The following IQSEC1 variants were observed in gnomAD, a reference collection of about 807,000 sequenced individuals.
The protein encoded by IQSEC1 is IQ motif and Sec7 domain ArfGEF 1.
A neutral mutation model predicts 91.0 loss-of-function variants in IQSEC1; 31 were observed. That is an observed-to-expected ratio of 0.34 (90% confidence interval 0.26 to 0.46). The LOEUF is 0.46. Among genes scored for constraint, IQSEC1 ranks in the 20% least tolerant of loss-of-function variants. The pLI is 1.00. For missense variants in IQSEC1, 1,388 were observed against 1,575.6 expected (o/e 0.88, Z 2.02); for synonymous variants, 699 against 662.6 (o/e 1.05, Z -0.84).
chr3:13,168,420 C>A (rs550011159), intron 1 of IQSEC1, among the ~76,000 whole-genome samples: 3 of 152,132 alleles, frequency 2.0e-5, no homozygotes, highest in Admixed American at 6.5e-5. Flanking sequence ...AGTCTATGCC[C>A]GTCTTCCTCA....
Position 13,073,389 on chromosome 3 carries a change from G to A in IQSEC1, c.-375C>T, listed in dbSNP as rs549628158. 1.3e-4 allele frequency among the ~76,000 whole-genome samples: 20 copies of A among 152,182 alleles called. No individual in the cohort carries two copies. The South Asian group carries it at 4.1e-3, about 32-fold the overall frequency. ...CGGGGCGCGGGGATGAGGAGGGGAG[G>A]GTCGAGAGAAGGCTGCCCCGGGTTT... is the stretch of plus-strand genomic sequence containing the variant. On this transcript the variant is annotated 5_prime_UTR_variant, in exon 1 of 14. Transcript: ENST00000613206.
At chr3:13,112,628 A>G (rs1706267318) in intron 2 of IQSEC1, among the ~76,000 whole-genome samples, 1 of 152,268 alleles carries the variant, frequency 6.6e-6, no homozygotes, top group African/African-American at 2.4e-5. Context: ...TGGATGCGGC[A>G]GGAGCCTCGC....
chr3:13,216,481 AGAGCGAC>A, intron 1 of IQSEC1, among the ~76,000 whole-genome samples: 1 of 152,212 alleles, frequency 6.6e-6, no homozygotes, highest in Admixed American at 6.5e-5. Context: ...CAGGGCTAGC[AGAGCGAC>A]GAGCTGTCCA....
Position 12,936,221 on chromosome 3 carries a change from G to C in IQSEC1, c.795C>G (p.Thr265=). 1 of 1,613,072 alleles carries C rather than the reference G, an allele frequency of 6.2e-7. No individual in the cohort carries two copies. Residue 265 remains threonine, a synonymous_variant, in exon 3 of 14, where the codon ACC becomes ACG. Coordinates refer to ENST00000613206, the MANE Select transcript of IQSEC1 (RefSeq NM_001134382.3). ...PALDAARARD[T]EPQTALHGMD... ...TGCCGTGCAGGGCTGTCTGGGGTTC[G>C]GTGTCCCGGGCCCGCGCCGCATCCA...
chr3:13,097,901 G>A (rs1442751134), intron 2 of IQSEC1, among the ~76,000 whole-genome samples: 1 of 152,260 alleles, frequency 6.6e-6, no homozygotes, highest in Non-Finnish European at 1.5e-5. Flanking sequence ...CAGTGGTATA[G>A]GAGGTGCCCA....
At chr3:12,902,917 C>G in intron 12 of IQSEC1, 95 bp from the exon 13 acceptor site, 1 of 949,636 alleles carries the variant, frequency 1.1e-6, no homozygotes, top group Non-Finnish European at 1.7e-6. Context: ...AGCCTGCACC[C>G]CTGCTGGGAG....
intron 1 of IQSEC1, among the ~76,000 whole-genome samples, chr3:13,186,884 T>G (rs1476912815): frequency 6.6e-6 from 1 of 151,774 alleles, no homozygotes; most frequent in African/African-American, 2.4e-5. Flanking sequence ...AGCCCAGGAG[T>G]AGAATCTAAA....
At chr3:13,033,910 C>T (rs1187871188) in intron 1 of IQSEC1, among the ~76,000 whole-genome samples, 3 of 152,194 alleles carry the variant, frequency 2.0e-5, no homozygotes. Context: ...GACCAGACAT[C>T]CGGTCACCTT....
At chr3:13,281,103 A>T (rs1273015583) in intron 1 of IQSEC1, among the ~76,000 whole-genome samples, 1 of 152,214 alleles carries the variant, frequency 6.6e-6, no homozygotes, top group African/African-American at 2.4e-5. Context: ...GCATGTGCTG[A>T]CCAACGTGTC....
At chr3:13,142,536 A>G (rs986383841) in intron 2 of IQSEC1, among the ~76,000 whole-genome samples, 2 of 152,182 alleles carry the variant, frequency 1.3e-5, no homozygotes, top group Non-Finnish European at 2.9e-5. Flanking sequence ...CCTGCTGCCC[A>G]GCTCCCTCAC....
At chr3:12,962,685 C>A (rs1025251448) in intron 1 of IQSEC1, among the ~76,000 whole-genome samples, 3 of 152,242 alleles carry the variant, frequency 2.0e-5, no homozygotes, top group African/African-American at 7.2e-5. Context: ...CAGGACCCTG[C>A]TCCAAGCAGA....
chr3:13,090,790 C>G (rs757680811), intron 2 of IQSEC1, among the ~76,000 whole-genome samples: 6 of 152,160 alleles, frequency 3.9e-5, no homozygotes, highest in Non-Finnish European at 7.3e-5. Flanking sequence ...CCCTGTGACT[C>G]GTATGAGCTC....
intron 1 of IQSEC1, among the ~76,000 whole-genome samples, chr3:13,194,750 C>T (rs527358672): frequency 6.6e-6 from 1 of 152,220 alleles, no homozygotes; most frequent in Non-Finnish European, 1.5e-5. Flanking sequence ...AGACCTGACC[C>T]GCAGAACAAA....
chr3:12,941,288 A>G (rs909480339), intron 2 of IQSEC1, among the ~76,000 whole-genome samples: 4 of 152,204 alleles, frequency 2.6e-5, no homozygotes, highest in African/African-American at 9.6e-5. Context: ...AACCCGGGCC[A>G]TGGCAAAGGC....
At chr3:12,944,417 C>G (rs1424066176) in intron 1 of IQSEC1, among the ~76,000 whole-genome samples, 2 of 152,250 alleles carry the variant, frequency 1.3e-5, no homozygotes, top group Non-Finnish European at 2.9e-5. Context: ...CCTCAGGTTG[C>G]AGGGGAGCGT....
intron 2 of IQSEC1, among the ~76,000 whole-genome samples, chr3:13,154,871 TAGGTCAAAAGAGAAAGAC>T (rs1457095906): frequency 2.9e-5 from 2 of 68,760 alleles, no homozygotes; most frequent in East Asian, 1.8e-3. Flanking sequence ...TAAAGACCAA[TAGGTCAAAAGAGAAAGAC>T]CAATAGGTCA....
chr3:13,143,337 T>C (rs1377113013), intron 2 of IQSEC1, among the ~76,000 whole-genome samples: 1 of 151,814 alleles, frequency 6.6e-6, no homozygotes, highest in African/African-American at 2.4e-5. Flanking sequence ...CTGGGATGGG[T>C]GAAATGGGGC....
At chr3:13,023,259 G>C (rs887081515) in intron 1 of IQSEC1, among the ~76,000 whole-genome samples, 1 of 152,144 alleles carries the variant, frequency 6.6e-6, no homozygotes, top group East Asian at 1.9e-4. Context: ...CTGGGCCCAG[G>C]CTGGGTCTGG....
chr3:13,045,633 C>T (rs565085985), intron 1 of IQSEC1, among the ~76,000 whole-genome samples: 103 of 152,212 alleles, frequency 6.8e-4, no homozygotes, highest in Non-Finnish European at 1.3e-3. Context: ...ACAAAGAGCC[C>T]CATCCACACT....
Sources: gnomAD v4.1 joint callset for allele counts (sites outside exome capture counted in the v4.1 genomes callset) on GRCh38, gnomAD v4.1.1 for gene constraint, MANE v1.5 for transcripts, NCBI Gene and HGNC (gene_info 2026-07-23, HGNC 2026-07-21) for gene names.